SKAP1: variants seen among roughly 807,000 people sequenced by gnomAD.
The protein encoded by SKAP1 is src kinase-associated phosphoprotein 1.
In SKAP1, 44 loss-of-function variants were observed where a neutral mutation model predicts 58.5. The ratio of observed to expected loss-of-function variants is 0.75; its 90% CI spans 0.59 to 0.97. The LOEUF (loss-of-function observed/expected upper bound fraction) is 0.97, where lower values mean the gene tolerates loss of function less well. Among genes scored for constraint, SKAP1 ranks in the 50% least tolerant of loss-of-function variants. The pLI, the probability that SKAP1 is intolerant of heterozygous loss-of-function variation, is 0.00. For missense variants in SKAP1, 390 were observed against 435.2 expected (o/e 0.90, Z 0.92); for synonymous variants, 127 against 149.7 (o/e 0.85, Z 1.11).
the SKAP1 span, among the ~76,000 whole-genome samples, chr17:48,442,377 CCT>C: frequency 6.6e-6 from 1 of 152,172 alleles, no homozygotes; most frequent in Non-Finnish European, 1.5e-5. Flanking sequence ...TTCAGACCTG[CCT>C]ATGTATGCCT....
intron 2 of SKAP1, among the ~76,000 whole-genome samples, chr17:48,392,230 C>G (rs1432881226): frequency 1.3e-5 from 2 of 152,132 alleles, no homozygotes; most frequent in Non-Finnish European, 2.9e-5. Context: ...TGAGATTTTA[C>G]TAGTATATCA....
At chr17:48,300,648 C>G (rs2066045391) in intron 4 of SKAP1, among the ~76,000 whole-genome samples, 1 of 152,062 alleles carries the variant, frequency 6.6e-6, no homozygotes, top group Non-Finnish European at 1.5e-5. Context: ...GCATTTTGCT[C>G]CTCCATGAAT....
chr17:48,202,871 C>A (rs2064746680), intron 4 of SKAP1, among the ~76,000 whole-genome samples: 1 of 152,204 alleles, frequency 6.6e-6, no homozygotes. Flanking sequence ...CTAGGCCCTG[C>A]CACATTCTGC....
chr17:48,427,164 T>G (rs893225881), intron 1 of SKAP1, among the ~76,000 whole-genome samples: 1 of 152,210 alleles, frequency 6.6e-6, no homozygotes, highest in Non-Finnish European at 1.5e-5. Flanking sequence ...TTTTACTTAT[T>G]CCTAGGCTTA....
At chr17:48,237,044 C>T (rs2065188337) in intron 4 of SKAP1, among the ~76,000 whole-genome samples, 1 of 152,184 alleles carries the variant, frequency 6.6e-6, no homozygotes, top group Admixed American at 6.5e-5. Flanking sequence ...CACTCATGAT[C>T]ATACAACTAT....
At chr17:48,195,333 A>G (rs1024384990) in intron 4 of SKAP1, among the ~76,000 whole-genome samples, 4 of 152,216 alleles carry the variant, frequency 2.6e-5, no homozygotes, top group African/African-American at 9.6e-5. Context: ...GTTGGTTTCA[A>G]TGACTATTCC....
chr17:48,178,824 A>G (rs2064327660), intron 9 of SKAP1, among the ~76,000 whole-genome samples: 1 of 152,204 alleles, frequency 6.6e-6, no homozygotes, highest in Non-Finnish European at 1.5e-5. Flanking sequence ...TATCATTTGC[A>G]TAATAAAACA....
intron 4 of SKAP1, among the ~76,000 whole-genome samples, chr17:48,222,976 A>G (rs1444792840): frequency 6.8e-6 from 1 of 146,516 alleles, no homozygotes; most frequent in Non-Finnish European, 1.5e-5. Context: ...AGGCAGGAGA[A>G]TCGCTTGAAC....
chr17:48,390,356 C>T (rs1050315980), intron 2 of SKAP1, among the ~76,000 whole-genome samples: 1 of 152,048 alleles, frequency 6.6e-6, no homozygotes. Flanking sequence ...GACTTAAAAT[C>T]AAAGCCAAAG....
At chr17:48,417,190 G>A (rs2067741914) in intron 1 of SKAP1, among the ~76,000 whole-genome samples, 1 of 152,190 alleles carries the variant, frequency 6.6e-6, no homozygotes, top group African/African-American at 2.4e-5. Context: ...GCATGTTCTG[G>A]TTGTGGCTAG....
intron 4 of SKAP1, among the ~76,000 whole-genome samples, chr17:48,329,835 A>AT (rs1567870690): frequency 6.6e-6 from 1 of 152,182 alleles, no homozygotes; most frequent in Non-Finnish European, 1.5e-5. Flanking sequence ...CCCCCTTATT[A>AT]GTGGAGGAAC....
chr17:48,262,183 T>C (rs1014113614), intron 4 of SKAP1, among the ~76,000 whole-genome samples: 6 of 152,226 alleles, frequency 3.9e-5, no homozygotes, highest in Non-Finnish European at 8.8e-5. Context: ...ATCATCCACC[T>C]GCAGGAGGCC....
At chr17:48,303,779 G>A (rs898492599) in intron 4 of SKAP1, among the ~76,000 whole-genome samples, 1 of 152,118 alleles carries the variant, frequency 6.6e-6, no homozygotes, top group Non-Finnish European at 1.5e-5. Context: ...ATCATACCTA[G>A]GACACATAGA....
chr17:48,322,604 G>C (rs2066382866), intron 4 of SKAP1, among the ~76,000 whole-genome samples: 1 of 152,198 alleles, frequency 6.6e-6, no homozygotes. Flanking sequence ...GAAGGTGACA[G>C]AACAAAAGCA....
chr17:48,287,727 T>C (rs1361777171), intron 4 of SKAP1, among the ~76,000 whole-genome samples: 1 of 152,226 alleles, frequency 6.6e-6, no homozygotes, highest in Non-Finnish European at 1.5e-5. Flanking sequence ...GCTCAGACTC[T>C]AGAGTTCATT....
intron 1 of SKAP1, among the ~76,000 whole-genome samples, chr17:48,410,185 T>A (rs899793433): frequency 6.6e-6 from 1 of 152,122 alleles, no homozygotes; most frequent in Non-Finnish European, 1.5e-5. Context: ...GGGTGCCAGG[T>A]TTCTCACTGT....
At chr17:48,231,921 G>A (rs897333322) in intron 4 of SKAP1, 3 of 152,094 alleles carry the variant, frequency 2.0e-5, no homozygotes, top group Non-Finnish European at 2.9e-5. Context: ...AAAAAACAAA[G>A]GCACACGTTA....
chr17:48,254,863 C>T (rs2065405463), intron 4 of SKAP1, among the ~76,000 whole-genome samples: 1 of 151,954 alleles, frequency 6.6e-6, no homozygotes, highest in Non-Finnish European at 1.5e-5. Context: ...ACAATTCTAA[C>T]ATCATCAGCA....
intron 4 of SKAP1, among the ~76,000 whole-genome samples, chr17:48,334,988 G>A (rs1419431243): frequency 6.6e-6 from 1 of 151,710 alleles, no homozygotes; most frequent in Non-Finnish European, 1.5e-5. Flanking sequence ...AAAATTATGA[G>A]TTTCCTAATT....
Sources: gnomAD v4.1 joint callset for allele counts (sites outside exome capture counted in the v4.1 genomes callset) on GRCh38, gnomAD v4.1.1 for gene constraint, MANE v1.5 for transcripts, NCBI Gene and HGNC (gene_info 2026-07-23, HGNC 2026-07-21) for gene names.